Variants in ANKIB1 observed in about 807,000 individuals in gnomAD.
The protein encoded by ANKIB1 is ankyrin repeat and IBR domain containing 1.
ANKIB1 carries 43 observed loss-of-function variants against 122.1 expected under a neutral mutation model. That is an observed-to-expected ratio of 0.35 (90% confidence interval 0.28 to 0.45). ANKIB1 has a LOEUF of 0.45. ANKIB1 is among the 20% of genes least tolerant of loss of function. ANKIB1 has a pLI of 1.00. For synonymous variants in ANKIB1, 390 were observed against 442.0 expected (o/e 0.88, Z 1.48); for missense variants, 992 against 1,329.5 (o/e 0.75, Z 3.95).
At chr7:92,283,928 G>C (rs1160181823) in intron 1 of ANKIB1, among the ~76,000 whole-genome samples, 1 of 152,006 alleles carries the variant, frequency 6.6e-6, no homozygotes, top group East Asian at 1.9e-4. Context: ...GTGCCACCAG[G>C]CACAGCTAAT....
intron 1 of ANKIB1, 142 bp from the exon 2 acceptor site, chr7:92,294,744 CTGT>C (rs1171250158): frequency 7.0e-6 from 3 of 427,644 alleles, no homozygotes; most frequent in Non-Finnish European, 1.2e-5. Flanking sequence ...ATTTTTTTGG[CTGT>C]TAAGATAAAT....
At position 92,398,994 on chromosome 7, in the gene ANKIB1, A is replaced by G. The variant is rs1804960823; in HGVS notation, c.*45A>G. 3.3e-6 allele frequency: 5 copies of G among 1,501,584 alleles called. No homozygotes were observed. In the South Asian group the frequency reaches 5.6e-5, roughly 17 times the overall value. The allele number at this position is 1,501,584 out of a possible 1,614,324, so 93.0% of individuals were successfully genotyped here. ...TAAATGAATTACAGGTACAGATGGT[A>G]TGCTAGGTGGAGTATGCTTGATAGA... On this transcript the variant is annotated 3_prime_UTR_variant, in exon 20 of 20. Coordinates refer to ENST00000265742, the MANE Select transcript of ANKIB1 (RefSeq NM_019004.2).
Position 92,327,765 on chromosome 7 carries a change from T to C in ANKIB1, c.670-18T>C, listed in dbSNP as rs142899528. 9.4e-3 allele frequency: 13,244 copies of C among 1,409,202 alleles called. 62 individuals carry two copies. The highest frequency in any genetic ancestry group is 0.012 in the Non-Finnish European group (12,029 of 1,045,682). The allele number at this position is 1,409,202 out of a possible 1,614,324, so 87.3% of individuals were successfully genotyped here. A position where few individuals can be genotyped will look rare whatever the true frequency, so the allele number is the denominator to read the frequency against. Reference sequence around the variant, plus strand: ...TGAGTATAATGCCCATTTAACTTTATTTTTTTTCTTTTCAAAGCCATATGA... The same window carrying C: ...TGAGTATAATGCCCATTTAACTTTACTTTTTTTCTTTTCAAAGCCATATGA... On this transcript the variant is annotated intron_variant, in intron 4 of 19. Transcript: ENST00000265742.
intron 11 of ANKIB1, among the ~76,000 whole-genome samples, chr7:92,373,299 T>G (rs1804313922): frequency 6.6e-6 from 1 of 152,180 alleles, no homozygotes; most frequent in Non-Finnish European, 1.5e-5. Context: ...AACTATCAAA[T>G]GACAATAAAA....
Position 92,307,400 on chromosome 7 carries a change from T to C in ANKIB1, c.230T>C (p.Val77Ala). The change falls in exon 3 of 20, where the codon GTG becomes GCG. Residue 77 changes from valine to alanine, a missense_variant. By Grantham distance (64) the Val-to-Ala change is moderately conservative (BLOSUM62 0). Transcript: ENST00000265742. ...GATGGAAATCCAAATAAACGGAATG[T>C]GCACAATGAAACATCTATGCATTTG... ...GRDGNPNKRNVHNETSMHLLC... is the reference protein window; with the variant it reads ...GRDGNPNKRNAHNETSMHLLC... The C allele has an allele frequency of 1.2e-6, 2 of 1,613,970 alleles. No individual in the cohort carries two copies.
chr7:92,291,565 TTC>T, intron 1 of ANKIB1, among the ~76,000 whole-genome samples: 1 of 147,602 alleles, frequency 6.8e-6, no homozygotes, highest in African/African-American at 2.5e-5. Flanking sequence ...ATTTTTCTTT[TTC>T]TTTTTTTTTT....
intron 1 of ANKIB1, among the ~76,000 whole-genome samples, chr7:92,260,738 T>C (rs1801545364): frequency 6.6e-6 from 1 of 151,486 alleles, no homozygotes; most frequent in Non-Finnish European, 1.5e-5. Flanking sequence ...CTTTTAGACA[T>C]TGCAGCACCA....
At chr7:92,355,363 T>G (rs2115575906) in intron 9 of ANKIB1, among the ~76,000 whole-genome samples, 1 of 152,330 alleles carries the variant, frequency 6.6e-6, no homozygotes, top group South Asian at 2.1e-4. Flanking sequence ...ACAGATTTGT[T>G]GTCAGAAATA....
At chr7:92,258,001 T>C (rs1801484366) in intron 1 of ANKIB1, among the ~76,000 whole-genome samples, 1 of 152,142 alleles carries the variant, frequency 6.6e-6, no homozygotes, top group Non-Finnish European at 1.5e-5. Context: ...CTTCTGAGAG[T>C]CTTTCTTGCT....
At chr7:92,310,577 A>G (rs1802673188) in intron 3 of ANKIB1, among the ~76,000 whole-genome samples, 1 of 152,218 alleles carries the variant, frequency 6.6e-6, no homozygotes, top group Admixed American at 6.5e-5. Context: ...CAATAAATAC[A>G]GTTGTCACTT....
At chr7:92,251,844 C>T (rs1244238834) in intron 1 of ANKIB1, among the ~76,000 whole-genome samples, 5 of 152,168 alleles carry the variant, frequency 3.3e-5, no homozygotes, top group Non-Finnish European at 7.4e-5. Flanking sequence ...ATACAAATTT[C>T]GTGTACTATG....
intron 11 of ANKIB1, 108 bp downstream of exon 11, chr7:92,371,715 T>A: frequency 2.3e-6 from 3 of 1,284,450 alleles, no homozygotes; most frequent in Non-Finnish European, 3.2e-6. Flanking sequence ...CAGTGGCTCT[T>A]GCCTATAATC....
Position 92,401,275 on chromosome 7 carries a change from A to C in ANKIB1, c.*2326A>C, listed in dbSNP as rs1476063248. 6.6e-6 allele frequency: 1 copy of C among 152,258 alleles called. No individual in the cohort carries two copies. The highest frequency in any genetic ancestry group is 1.9e-4 in the East Asian group (1 of 5,208). 9.4% of individuals were successfully genotyped at this position (152,258 alleles called of 1,614,324 possible). Reference sequence around the variant, plus strand: ...CACTTTCATAGTCTATACTTGATACATTCCCACTTTATATACAGTAGGATT... The same window carrying C: ...CACTTTCATAGTCTATACTTGATACCTTCCCACTTTATATACAGTAGGATT... On this transcript the variant is annotated 3_prime_UTR_variant, in exon 20 of 20. Coordinates refer to ENST00000265742, the MANE Select transcript of ANKIB1 (RefSeq NM_019004.2).
At chr7:92,251,076 C>CT (rs1221998169) in intron 1 of ANKIB1, among the ~76,000 whole-genome samples, 2 of 152,110 alleles carry the variant, frequency 1.3e-5, no homozygotes, top group African/African-American at 4.8e-5. Context: ...ATAGACAGTC[C>CT]TTTCATTTCA....
chr7:92,362,182 T>C lies in ANKIB1; in HGVS notation c.1398-3T>C, dbSNP rs760606659. On this transcript the variant is annotated splice_polypyrimidine_tract_variant and splice_region_variant and intron_variant, in intron 9 of 19. Transcript: ENST00000265742. Reference sequence around the variant, plus strand: ...TTGTCTTTTCTGTGTTTATTTTCTTTAGGGAGTGCCTTGGTGAAGCACATG... The same window carrying C: ...TTGTCTTTTCTGTGTTTATTTTCTTCAGGGAGTGCCTTGGTGAAGCACATG... 6.3e-7 allele frequency: 1 copy of C among 1,590,836 alleles called. No individual in the cohort carries two copies. Among genetic ancestry groups the C allele is most frequent in the Non-Finnish European group, 8.6e-7 (1 of 1,168,082 alleles).
At chr7:92,300,816 A>G (rs944932696) in intron 2 of ANKIB1, among the ~76,000 whole-genome samples, 1 of 152,086 alleles carries the variant, frequency 6.6e-6, no homozygotes, top group African/African-American at 2.4e-5. Flanking sequence ...TTCATCTTCT[A>G]ACTGAAAATT....
intron 11 of ANKIB1, among the ~76,000 whole-genome samples, chr7:92,373,241 T>C (rs980649070): frequency 1.3e-5 from 2 of 152,190 alleles, no homozygotes; most frequent in Non-Finnish European, 2.9e-5. Flanking sequence ...TCCATATCTT[T>C]TTTATTCCTC....
intron 16 of ANKIB1, among the ~76,000 whole-genome samples, chr7:92,391,952 A>G (rs1804796051): frequency 6.6e-6 from 1 of 152,172 alleles, no homozygotes. Flanking sequence ...CTATTTTTAC[A>G]TAATATTTAT....
chr7:92,392,740 A>G (rs1804812781), intron 17 of ANKIB1, among the ~76,000 whole-genome samples: 1 of 152,106 alleles, frequency 6.6e-6, no homozygotes, highest in South Asian at 2.1e-4. Context: ...TTAATAATGT[A>G]TATGCAGAAA....
Sources: gnomAD v4.1 joint callset for allele counts (sites outside exome capture counted in the v4.1 genomes callset) on GRCh38, gnomAD v4.1.1 for gene constraint, MANE v1.5 for transcripts, NCBI Gene and HGNC (gene_info 2026-07-23, HGNC 2026-07-21) for gene names.